UTRN: variants seen among roughly 807,000 people sequenced by gnomAD.
UTRN encodes the protein utrophin, also known as dystrophin-related protein 1.
In UTRN, 283 loss-of-function variants were observed where a neutral mutation model predicts 463.9. The ratio of observed to expected loss-of-function variants is 0.61; its 90% CI spans 0.55 to 0.67. The LOEUF is 0.67. UTRN is among the 30% of genes least tolerant of loss of function. UTRN has a pLI of 0.00. For synonymous variants in UTRN, 1,442 were observed against 1,431.5 expected (o/e 1.01, Z -0.17); for missense variants, 3,922 against 4,084.3 (o/e 0.96, Z 1.08).
intron 53 of UTRN, among the ~76,000 whole-genome samples, chr6:144,721,130 G>A (rs1267576020): frequency 6.6e-6 from 1 of 152,136 alleles, no homozygotes; most frequent in Non-Finnish European, 1.5e-5. Context: ...TTTGACTCTT[G>A]AGGTATTTGG....
At chr6:144,669,907 G>A (rs372227278) in intron 51 of UTRN, among the ~76,000 whole-genome samples, 17 of 151,682 alleles carry the variant, frequency 1.1e-4, no homozygotes, top group Non-Finnish European at 1.5e-4. Context: ...TTCTGTGAAC[G>A]CCATTATTTC....
chr6:144,387,473 A>G lies in UTRN; in HGVS notation c.80-15650A>G, dbSNP rs80219828. On this transcript the variant is annotated intron_variant, in intron 2 of 74. Transcript: ENST00000367545. ...TTTTAATAACTAATGATTTTGCCTTAAAATACTTGAATTTATTGCAAAAGG... is the reference window on the plus strand; with the variant it reads ...TTTTAATAACTAATGATTTTGCCTTGAAATACTTGAATTTATTGCAAAAGG... 7.4e-3 allele frequency among the ~76,000 whole-genome samples: 1,126 copies of G among 152,294 alleles called. 56 individuals carry two copies. The East Asian group carries it at 0.13, about 18-fold the overall frequency.
At chr6:144,384,853 G>A (rs891675327) in intron 2 of UTRN, among the ~76,000 whole-genome samples, 8 of 152,166 alleles carry the variant, frequency 5.3e-5, no homozygotes, top group Non-Finnish European at 1.2e-4. Context: ...TTTGTGAATA[G>A]CGTTCCTATT....
chr6:144,311,987 A>G (rs1006893819), intron 2 of UTRN: 6 of 152,220 alleles, frequency 3.9e-5, no homozygotes, highest in African/African-American at 1.4e-4. Context: ...TTCAGACAGT[A>G]TCAGGTGCTG....
chr6:144,680,554 CT>C (rs1782103295), intron 52 of UTRN, among the ~76,000 whole-genome samples: 1 of 152,106 alleles, frequency 6.6e-6, no homozygotes, highest in Non-Finnish European at 1.5e-5. Flanking sequence ...GATTCAAGCA[CT>C]TATTCAAGCA....
chr6:144,792,155 A>G (rs1327181959), intron 62 of UTRN, among the ~76,000 whole-genome samples: 2 of 152,228 alleles, frequency 1.3e-5, no homozygotes, highest in African/African-American at 4.8e-5. Context: ...AATTAAAGCC[A>G]TACTTCATTA....
intron 2 of UTRN, among the ~76,000 whole-genome samples, chr6:144,348,365 T>C (rs1777788585): frequency 6.6e-6 from 1 of 152,206 alleles, no homozygotes; most frequent in South Asian, 2.1e-4. Flanking sequence ...TGCTGGTGGC[T>C]GAAAGGAAGG....
intron 41 of UTRN, among the ~76,000 whole-genome samples, chr6:144,528,032 A>ATTT (rs201546711): frequency 0.24 from 27,053 of 110,840 alleles, 3,750 homozygotes; most frequent in South Asian, 0.43. Flanking sequence ...AGCTAGTGTG[A>ATTT]TTTTTTTTTT....
Position 144,700,290 on chromosome 6 carries a change from G to A in UTRN, c.7809+47G>A, listed in dbSNP as rs761182524. ...AGTCGCTTAATTCAAATTCTAGTGAGGTAGATATTTGAAATACAATTATAG... is the reference window on the plus strand; with the variant it reads ...AGTCGCTTAATTCAAATTCTAGTGAAGTAGATATTTGAAATACAATTATAG... On this transcript the variant is annotated intron_variant, in intron 53 of 74. Transcript: ENST00000367545. 4.6e-6 allele frequency: 7 copies of A among 1,521,428 alleles called. No homozygotes were observed. The African/African-American group carries it at 8.2e-5, about 18-fold the overall frequency. The allele number at this position is 1,521,428 out of a possible 1,614,324, so 94.2% of individuals were successfully genotyped here.
intron 2 of UTRN, among the ~76,000 whole-genome samples, chr6:144,393,433 TTGTA>T (rs1267293994): frequency 1.3e-5 from 2 of 152,200 alleles, no homozygotes; most frequent in Non-Finnish European, 2.9e-5. Flanking sequence ...ATATTACACT[TTGTA>T]TGTTGAAATC....
intron 50 of UTRN, among the ~76,000 whole-genome samples, chr6:144,575,476 A>G (rs985860075): frequency 6.6e-6 from 1 of 152,190 alleles, no homozygotes; most frequent in Non-Finnish European, 1.5e-5. Flanking sequence ...CTGTGATACA[A>G]TTTGTATACA....
At chr6:144,719,806 A>C (rs1786913939) in intron 53 of UTRN, among the ~76,000 whole-genome samples, 1 of 152,262 alleles carries the variant, frequency 6.6e-6, no homozygotes, top group Non-Finnish European at 1.5e-5. Context: ...GGTTTTAAAC[A>C]GAAGACAGGA....
chr6:144,633,306 T>G (rs1019816862), intron 51 of UTRN, among the ~76,000 whole-genome samples: 3 of 149,980 alleles, frequency 2.0e-5, no homozygotes. Flanking sequence ...CTCGGCGCAC[T>G]GCAAGCTCCG....
At chr6:144,440,504 G>A in intron 13 of UTRN, 33 bp downstream of exon 13, 2 of 1,613,380 alleles carry the variant, frequency 1.2e-6, no homozygotes, top group Non-Finnish European at 8.5e-7. Context: ...TAATCCTGAG[G>A]GACCTGTGGT....
intron 2 of UTRN, among the ~76,000 whole-genome samples, chr6:144,325,953 A>G (rs925997516): frequency 2.0e-5 from 3 of 152,210 alleles, no homozygotes; most frequent in African/African-American, 7.2e-5. Context: ...TCTCAAGTAG[A>G]GATTGGAAGA....
chr6:144,605,539 G>T lies in UTRN; in HGVS notation c.7479+28251G>T, dbSNP rs374023689. Among the ~76,000 whole-genome samples the T allele has an allele frequency of 1.2e-4, 18 of 151,884 alleles. 1 individual carries two copies. Among genetic ancestry groups the T allele is most frequent in the African/African-American group, 4.3e-4 (18 of 41,448 alleles). On this transcript the variant is annotated intron_variant, in intron 51 of 74. Transcript: ENST00000367545. ...CCATTACCATTCAGTTTTGACAAGA[G>T]ATAACCTGTCAATTATTTGTATAAA... is the stretch of plus-strand genomic sequence containing the variant.
Position 144,447,511 on chromosome 6 carries a change from A to G in UTRN, c.1723-91A>G, listed in dbSNP as rs115669182. ...AACTGCAAAGCATGTACATTTTACT[A>G]TAAAAGATACATGTTTAAAATTTTT... is the stretch of plus-strand genomic sequence containing the variant. On this transcript the variant is annotated intron_variant, in intron 15 of 74. Transcript: ENST00000367545. 167 of 1,456,086 alleles carry G rather than the reference A, an allele frequency of 1.1e-4. No individual in the cohort carries two copies. In the African/African-American group the frequency reaches 1.9e-3, roughly 17 times the overall value. 90.2% of individuals were successfully genotyped at this position (1,456,086 alleles called of 1,614,324 possible).
chr6:144,783,063 G>A (rs1190115811), intron 61 of UTRN, among the ~76,000 whole-genome samples: 1 of 152,000 alleles, frequency 6.6e-6, no homozygotes, highest in Non-Finnish European at 1.5e-5. Context: ...AGGCATCGTG[G>A]CAGGTGCCTG....
chr6:144,736,044 T>G (rs1490017447), intron 54 of UTRN, among the ~76,000 whole-genome samples: 8 of 152,016 alleles, frequency 5.3e-5, no homozygotes, highest in Non-Finnish European at 8.8e-5. Context: ...AACTTTATGG[T>G]TTTTTTTGTT....
Sources: gnomAD v4.1 joint callset for allele counts (sites outside exome capture counted in the v4.1 genomes callset) on GRCh38, gnomAD v4.1.1 for gene constraint, MANE v1.5 for transcripts, NCBI Gene and HGNC (gene_info 2026-07-23, HGNC 2026-07-21) for gene names.